The following CACNG4 variants were observed in gnomAD, a reference collection of about 807,000 sequenced individuals.
CACNG4 encodes the protein calcium voltage-gated channel auxiliary subunit gamma 4, also known as voltage-dependent calcium channel gamma-4 subunit.
CACNG4 carries 8 observed loss-of-function variants against 22.9 expected under a neutral mutation model. That is an observed-to-expected ratio of 0.35 (90% CI 0.21 to 0.63). The LOEUF is 0.63. CACNG4 is among the 30% of genes least tolerant of loss of function. The pLI, the probability that CACNG4 is intolerant of heterozygous loss-of-function variation, is 0.72. For synonymous variants in CACNG4, 188 were observed against 191.9 expected, an observed-to-expected ratio of 0.98 and a Z score of 0.17; for missense variants, 357 against 455.4, an observed-to-expected ratio of 0.78 and a Z score of 1.97.
At chr17:66,990,453 C>T (rs2035332286) in intron 1 of CACNG4, among the ~76,000 whole-genome samples, 1 of 152,226 alleles carries the variant, frequency 6.6e-6, no homozygotes, top group Middle Eastern at 3.4e-3. Context: ...GGATGTTATA[C>T]AGGGGCACAC....
chr17:67,022,652 C>T (rs528341868), intron 2 of CACNG4, among the ~76,000 whole-genome samples: 100 of 152,384 alleles, frequency 6.6e-4, no homozygotes, highest in African/African-American at 2.2e-3. Flanking sequence ...CCCTGAAACC[C>T]GCTCAGCTGG....
intron 1 of CACNG4, among the ~76,000 whole-genome samples, chr17:67,000,173 G>A (rs760981784): frequency 1.3e-5 from 2 of 152,110 alleles, no homozygotes; most frequent in Non-Finnish European, 2.9e-5. Context: ...TCCTTGTGTC[G>A]TTTACAGCAT....
At chr17:66,978,516 A>G (rs1253657700) in intron 1 of CACNG4, among the ~76,000 whole-genome samples, 1 of 152,068 alleles carries the variant, frequency 6.6e-6, no homozygotes, top group Non-Finnish European at 1.5e-5. Context: ...AAGGACACAG[A>G]TCCCCAAAGA....
At chr17:66,981,463 G>A (rs1461917951) in intron 1 of CACNG4, among the ~76,000 whole-genome samples, 2 of 152,198 alleles carry the variant, frequency 1.3e-5, no homozygotes, top group Non-Finnish European at 2.9e-5. Context: ...TGGAGGAAAG[G>A]GAAGGAAATT....
intron 1 of CACNG4, 78 bp from the exon 2 acceptor site, chr17:67,018,111 T>C (rs1444285785): frequency 1.8e-6 from 2 of 1,101,668 alleles, no homozygotes; most frequent in Non-Finnish European, 2.8e-6. Context: ...CTCACACACA[T>C]GGCAACCGTG....
chr17:66,981,974 C>T (rs540323550), intron 1 of CACNG4, among the ~76,000 whole-genome samples: 1 of 152,288 alleles, frequency 6.6e-6, no homozygotes, highest in Non-Finnish European at 1.5e-5. Context: ...CACTCTGTCA[C>T]ACAGGCTAGA....
At chr17:66,982,048 G>A (rs2035278157) in intron 1 of CACNG4, among the ~76,000 whole-genome samples, 1 of 152,170 alleles carries the variant, frequency 6.6e-6, no homozygotes, top group South Asian at 2.1e-4. Context: ...TGGGCTCGCT[G>A]ACCTCAAGAA....
intron 1 of CACNG4, among the ~76,000 whole-genome samples, 184 bp from the exon 2 acceptor site, chr17:67,018,005 G>A (rs1354325916): frequency 6.6e-6 from 1 of 152,130 alleles, no homozygotes; most frequent in East Asian, 1.9e-4. Context: ...CTCTCCCGGT[G>A]TAGCCATTCT....
At chr17:67,006,029 C>T (rs1030262421) in intron 1 of CACNG4, among the ~76,000 whole-genome samples, 5 of 152,326 alleles carry the variant, frequency 3.3e-5, no homozygotes, top group Non-Finnish European at 4.4e-5. Context: ...CCACCCCTCC[C>T]CACCTGGGAG....
intron 1 of CACNG4, among the ~76,000 whole-genome samples, chr17:66,972,291 G>A (rs1190335749): frequency 6.6e-6 from 1 of 152,172 alleles, no homozygotes; most frequent in African/African-American, 2.4e-5. Context: ...GGGGTTATGG[G>A]TTCAGCATCG....
chr17:67,003,017 G>C (rs1032063823), intron 1 of CACNG4, among the ~76,000 whole-genome samples: 1 of 152,092 alleles, frequency 6.6e-6, no homozygotes, highest in Admixed American at 6.6e-5. Flanking sequence ...ATGGGTATAT[G>C]TGGACAAGGA....
intron 1 of CACNG4, among the ~76,000 whole-genome samples, chr17:66,976,128 C>T (rs920875996): frequency 3.9e-5 from 6 of 152,110 alleles, no homozygotes; most frequent in Non-Finnish European, 8.8e-5. Context: ...CCCAGTGTCT[C>T]AGGGCCAGGG....
intron 1 of CACNG4, among the ~76,000 whole-genome samples, chr17:66,969,888 G>A (rs1164623648): frequency 7.9e-5 from 12 of 152,154 alleles, no homozygotes; most frequent in Non-Finnish European, 1.6e-4. Context: ...TCTTATCTGT[G>A]TTTGCTTTCA....
intron 1 of CACNG4, among the ~76,000 whole-genome samples, chr17:66,970,908 T>A (rs1304633426): frequency 1.3e-5 from 2 of 152,204 alleles, no homozygotes; most frequent in Non-Finnish European, 1.5e-5. Flanking sequence ...ATCTTTAAAA[T>A]AAATCCCCTG....
intron 1 of CACNG4, among the ~76,000 whole-genome samples, chr17:66,990,702 A>G (rs998628267): frequency 2.1e-5 from 3 of 140,050 alleles, no homozygotes; most frequent in African/African-American, 8.7e-5. Context: ...TATTTTTGAG[A>G]CGGAGTCTCG....
chr17:67,010,510 G>C (rs1010399025), intron 1 of CACNG4, among the ~76,000 whole-genome samples: 4 of 152,192 alleles, frequency 2.6e-5, no homozygotes, highest in African/African-American at 9.7e-5. Flanking sequence ...ACCATATAGG[G>C]TTAGCATGAA....
intron 1 of CACNG4, among the ~76,000 whole-genome samples, chr17:66,975,569 TATAG>T (rs2035231184): frequency 6.6e-6 from 1 of 152,172 alleles, no homozygotes; most frequent in South Asian, 2.1e-4. Context: ...CCTGGCACCT[TATAG>T]ATATTCAAAA....
At chr17:67,016,339 C>T (rs73339179) in intron 1 of CACNG4, among the ~76,000 whole-genome samples, 3,744 of 152,238 alleles carry the variant, frequency 0.025, 144 homozygotes, top group African/African-American at 0.086. Flanking sequence ...CACCATCCTG[C>T]CCCCCACCGC....
rs569034690 is a variant in CACNG4 at position 67,032,483 on chromosome 17, C to A, written c.*1479C>A. On this transcript the variant is annotated 3_prime_UTR_variant, in exon 4 of 4. Coordinates refer to ENST00000262138, the MANE Select transcript of CACNG4 (RefSeq NM_014405.4). ...AGCTGTTGTGCTTGGAAATAACGAG[C>A]GCATCCTTGCCTCAGCTACCTGCTC... is the stretch of plus-strand genomic sequence containing the variant. The A allele has an allele frequency of 6.0e-6, 1 of 167,556 alleles. No individual in the cohort carries two copies. Among genetic ancestry groups the A allele is most frequent in the East Asian group, 1.7e-4 (1 of 5,988 alleles). 10.4% of individuals were successfully genotyped at this position (167,556 alleles called of 1,614,324 possible). A position where few individuals can be genotyped will look rare whatever the true frequency, so the allele number is the denominator to read the frequency against.
Sources: allele counts gnomAD v4.1 joint callset (sites outside exome capture counted in the v4.1 genomes callset), GRCh38; gene constraint gnomAD v4.1.1; transcripts MANE v1.5; gene names NCBI Gene and HGNC (gene_info 2026-07-23, HGNC 2026-07-21).